LIMCH1: variants seen among roughly 807,000 people sequenced by gnomAD.
LIMCH1 encodes LIM and calponin homology domains 1.
LIMCH1 carries 113 observed loss-of-function variants against 176.5 expected under a neutral mutation model. The observed-to-expected ratio is 0.64, with a 90% CI of 0.55 to 0.75. The LOEUF is 0.75. Ranked by LOEUF, LIMCH1 falls within the 30% of genes least tolerant of loss-of-function variation. The probability of loss-of-function intolerance (pLI) is 0.00; values close to 1 mark genes in which losing one functional copy is unlikely to be tolerated. For synonymous variants in LIMCH1, 619 were observed against 645.9 expected, an observed-to-expected ratio of 0.96 and a Z score of 0.63; for missense variants, 1,674 against 1,814.9, an observed-to-expected ratio of 0.92 and a Z score of 1.41.
rs766513540 is a variant in LIMCH1, at chr4:41,613,704, A to G, written c.205+43A>G. ...TAAACTATCCATCTTGAAATTAAAC[A>G]TTTGCAGGGGCTGCATTGCGCCTGG... is the stretch of plus-strand genomic sequence containing the variant. On this transcript the variant is annotated intron_variant, in intron 5 of 31. Transcript: ENST00000503057. The G allele has an allele frequency of 1.9e-6, 3 of 1,559,390 alleles. No individual in the cohort carries two copies. The South Asian group carries it at 3.4e-5, about 17-fold the overall frequency.
intron 2 of LIMCH1, among the ~76,000 whole-genome samples, chr4:41,502,998 T>TCTCCATCC (rs1561567316): frequency 1.6e-5 from 1 of 60,642 alleles, no homozygotes; most frequent in Non-Finnish European, 3.8e-5. Context: ...CTGGTCTGTC[T>TCTCCATCC]GTCCATCCAT....
chr4:41,697,057 G>A, intron 31 of LIMCH1, 103 bp from the exon 32 acceptor site: 1 of 1,183,348 alleles, frequency 8.5e-7, no homozygotes, highest in Admixed American at 1.8e-5. Context: ...CCAGGAAGAG[G>A]AGACTTTGGT....
At chr4:41,494,464 CAT>C (rs112293849) in intron 1 of LIMCH1, 21 of 1,015,366 alleles carry the variant, frequency 2.1e-5, no homozygotes, top group African/African-American at 4.8e-5. Flanking sequence ...TACACACACA[CAT>C]ATATATATGA....
chr4:41,455,494 C>G (rs2064475462), intron 1 of LIMCH1, among the ~76,000 whole-genome samples: 2 of 152,172 alleles, frequency 1.3e-5, no homozygotes, highest in Admixed American at 6.5e-5. Context: ...GCTGCAGATG[C>G]TCTTTCATTG....
At chr4:41,603,982 G>A (rs2090341983) in intron 3 of LIMCH1, 77 bp downstream of exon 3, 3 of 1,265,404 alleles carry the variant, frequency 2.4e-6, no homozygotes, top group Non-Finnish European at 3.4e-6. Flanking sequence ...TTTCTCATAT[G>A]CCTTGCTGGA....
chr4:41,680,093 G>A lies in LIMCH1; in HGVS notation c.3607G>A (p.Glu1203Lys), dbSNP rs1445218225. The A allele has an allele frequency of 1.3e-6, 2 of 1,597,522 alleles. No homozygotes were observed. Among genetic ancestry groups the A allele is most frequent in the Non-Finnish European group, 1.7e-6 (2 of 1,170,590 alleles). ...EVEEEERRYYEEERKIIEDTV... is the reference protein window; with the variant it reads ...EVEEEERRYYKEERKIIEDTV... ...GGAAGAGGAAGAACGCAGATACTAT[G>A]AGGAGGTAGGAAATTCCCAAGAAGG... Residue 1203 changes from glutamate to lysine, a missense_variant, in exon 24 of 32, where the codon GAG becomes AAG. Glu to Lys is a moderately conservative substitution (Grantham distance 56). Coordinates refer to ENST00000503057, the MANE Select transcript of LIMCH1 (RefSeq NM_001330672.2).
At chr4:41,578,593 ACT>A (rs2084881852) in intron 1 of LIMCH1, among the ~76,000 whole-genome samples, 1 of 151,812 alleles carries the variant, frequency 6.6e-6, no homozygotes, top group Non-Finnish European at 1.5e-5. Flanking sequence ...GATGGGTAAA[ACT>A]CTTTCTCTGC....
intron 1 of LIMCH1, among the ~76,000 whole-genome samples, chr4:41,398,525 C>G (rs2058053121): frequency 6.6e-6 from 1 of 152,004 alleles, no homozygotes; most frequent in South Asian, 2.1e-4. Context: ...CTTTGCTGTT[C>G]AAATGGGGAG....
intron 1 of LIMCH1, among the ~76,000 whole-genome samples, chr4:41,456,511 C>CT: frequency 6.6e-6 from 1 of 152,286 alleles, no homozygotes; most frequent in South Asian, 2.1e-4. Flanking sequence ...CCTTGACCAT[C>CT]TTCTTTGACC....
intron 1 of LIMCH1, among the ~76,000 whole-genome samples, chr4:41,553,470 A>G (rs1399631860): frequency 6.6e-6 from 1 of 152,158 alleles, no homozygotes; most frequent in African/African-American, 2.4e-5. Flanking sequence ...TGTTCCCAGC[A>G]GATAGAACAG....
chr4:41,588,092 C>G (rs1369100289), intron 1 of LIMCH1, among the ~76,000 whole-genome samples: 3 of 151,984 alleles, frequency 2.0e-5, no homozygotes, highest in East Asian at 1.9e-4. Flanking sequence ...CCCTTCCCCC[C>G]ACCCCACAAC....
chr4:41,642,408 A>G (rs2093861789), intron 14 of LIMCH1, among the ~76,000 whole-genome samples: 1 of 152,182 alleles, frequency 6.6e-6, no homozygotes, highest in South Asian at 2.1e-4. Flanking sequence ...TGAAGTTTAA[A>G]AGCATGGGTT....
At chr4:41,425,216 G>A (rs750809666) in intron 1 of LIMCH1, among the ~76,000 whole-genome samples, 2 of 152,190 alleles carry the variant, frequency 1.3e-5, no homozygotes, top group Non-Finnish European at 1.5e-5. Context: ...TTAATACAGA[G>A]AGAGAATGAC....
intron 4 of LIMCH1, chr4:41,612,388 C>A: frequency 1.7e-6 from 1 of 576,578 alleles, no homozygotes; most frequent in South Asian, 2.4e-5. Context: ...CGCGAGCATC[C>A]CAGGGAATCT....
rs2094243668 is a variant in LIMCH1 at position 41,650,408 on chromosome 4, A to T, written c.2836A>T (p.Ser946Cys). Residue 946 changes from serine (S) to cysteine (C), a missense_variant, in exon 18 of 32, where the codon AGT (serine) becomes TGT (cysteine). Ser to Cys is a moderately radical substitution (Grantham distance 112, BLOSUM62 -1). Transcript: ENST00000503057. ...LKTFKVDGKV[S>C]VNGETVHREE... ...GCTTTTATAGGTAGACGGGAAAGTCAGTGTGAATGGAGAGACGGTTCATAG... is the reference window on the plus strand; with the variant it reads ...GCTTTTATAGGTAGACGGGAAAGTCTGTGTGAATGGAGAGACGGTTCATAG... 17 of 1,613,984 alleles carry T rather than the reference A, an allele frequency of 1.1e-5. No individual in the cohort carries two copies. Among genetic ancestry groups the T allele is most frequent in the African/African-American group, 1.3e-5 (1 of 75,034 alleles).
In LIMCH1 at chr4:41,697,264, G is replaced by A; in HGVS notation, c.*79G>A. On this transcript the variant is annotated 3_prime_UTR_variant, in exon 32 of 32. Transcript: ENST00000503057. ...TGGCAACTGCTTAACAAAATCCCAA[G>A]CTCAGGGGCTTCTCAGCATTTACCT... 1 of 1,319,872 alleles carries A rather than the reference G, an allele frequency of 7.6e-7. No homozygotes were observed. Among genetic ancestry groups the A allele is most frequent in the Non-Finnish European group, 1.1e-6 (1 of 916,006 alleles). 81.8% of individuals were successfully genotyped at this position (1,319,872 alleles called of 1,614,324 possible). A position where few individuals can be genotyped will look rare whatever the true frequency, so the allele number is the denominator to read the frequency against.
rs1380004834 is a variant in LIMCH1 at position 41,689,585 on chromosome 4, G to T, written c.4225G>T (p.Ala1409Ser). The T allele has an allele frequency of 8.7e-6, 14 of 1,612,518 alleles. No individual in the cohort carries two copies. The highest frequency in any genetic ancestry group is 1.1e-5 in the Non-Finnish European group (13 of 1,178,786). ...TGGGCTTCCTTTGGGTAAAGGAGCT[G>T]CAATGATCATCGAGACCCTCAATCT... Reference protein sequence around the residue: ...SCGLPLGKGAAMIIETLNLYF... With the variant: ...SCGLPLGKGASMIIETLNLYF... The change falls in exon 30 of 32, where the codon GCA becomes TCA. Residue 1409 changes from alanine to serine, a missense_variant. Ala to Ser is a moderately conservative substitution (Grantham distance 99). Transcript: ENST00000503057.
At position 41,613,145 on chromosome 4, in the gene LIMCH1, G is replaced by A. The variant is rs1205851769; in HGVS notation, c.10-321G>A. 5 of 1,455,250 alleles carry A rather than the reference G, an allele frequency of 3.4e-6. No individual in the cohort carries two copies. In the South Asian group the frequency reaches 6.1e-5, roughly 18 times the overall value. 90.1% of individuals were successfully genotyped at this position (1,455,250 alleles called of 1,614,324 possible). ...TTTTGTTTTGAACTATCATTGTACT[G>A]TTGTGAATCCAAACTTTGTGATCCT... On this transcript the variant is annotated intron_variant, in intron 4 of 31. Transcript: ENST00000503057.
chr4:41,511,820 A>G (rs2074960487), intron 2 of LIMCH1, among the ~76,000 whole-genome samples: 2 of 152,234 alleles, frequency 1.3e-5, no homozygotes, highest in Admixed American at 1.3e-4. Flanking sequence ...AAACTCTTAG[A>G]ATAAAACATG....
Sources: allele counts gnomAD v4.1 joint callset (sites outside exome capture counted in the v4.1 genomes callset), GRCh38; gene constraint gnomAD v4.1.1; transcripts MANE v1.5; gene names NCBI Gene and HGNC (gene_info 2026-07-23, HGNC 2026-07-21).